The following MECOM variants were observed in gnomAD, a reference collection of about 807,000 sequenced individuals.
MECOM encodes MDS1 and EVI1 complex locus.
MECOM carries 13 observed loss-of-function variants against 116.3 expected under a neutral mutation model. That is an observed-to-expected ratio of 0.11 (90% CI 0.07 to 0.18). The LOEUF (loss-of-function observed/expected upper bound fraction) is 0.18. Ranked by LOEUF, MECOM falls within the 10% of genes least tolerant of loss-of-function variation. The pLI is 1.00. For missense variants in MECOM, 1,299 were observed against 1,509.0 expected, an observed-to-expected ratio of 0.86 and a Z score of 2.31; for synonymous variants, 528 against 535.2, an observed-to-expected ratio of 0.99 and a Z score of 0.19.
intron 2 of MECOM, among the ~76,000 whole-genome samples, chr3:169,197,217 G>A (rs1200496214): frequency 6.6e-6 from 1 of 151,808 alleles, no homozygotes; most frequent in Non-Finnish European, 1.5e-5. Context: ...TGAGTACTGT[G>A]CTCGTTACCT....
At chr3:169,117,342 C>T (rs1729498843) in intron 7 of MECOM, among the ~76,000 whole-genome samples, 1 of 152,182 alleles carries the variant, frequency 6.6e-6, no homozygotes, top group Non-Finnish European at 1.5e-5. Flanking sequence ...ATTGTGTATT[C>T]TGAGACTTTT....
Position 169,173,074 on chromosome 3 carries a change from C to G in MECOM, c.376-29242G>C, listed in dbSNP as rs1280976615. The stretch of plus-strand genomic sequence containing the variant: ...CATTTTGGCCCCATTCATGTAATAC[C>G]TATTTCTATCACCAATAAATGCAAT... On this transcript the variant is annotated intron_variant, in intron 2 of 16. Transcript: ENST00000651503. Among the ~76,000 whole-genome samples, 2 of 152,084 alleles carry G rather than the reference C, an allele frequency of 1.3e-5. 1 individual carries two copies. The highest frequency in any genetic ancestry group is 4.2e-4 in the South Asian group (2 of 4,818).
intron 2 of MECOM, among the ~76,000 whole-genome samples, chr3:169,259,981 A>G (rs1376168089): frequency 6.6e-6 from 1 of 152,256 alleles, no homozygotes; most frequent in Non-Finnish European, 1.5e-5. Flanking sequence ...GTTCTTATGA[A>G]GGATTAATGA....
chr3:169,410,070 A>C (rs1029769975), intron 1 of MECOM, among the ~76,000 whole-genome samples: 2 of 152,198 alleles, frequency 1.3e-5, no homozygotes, highest in Non-Finnish European at 2.9e-5. Context: ...CAGCAACAAT[A>C]AGTCATTTTT....
chr3:169,376,014 G>C (rs150712088), intron 2 of MECOM, among the ~76,000 whole-genome samples: 199 of 152,112 alleles, frequency 1.3e-3, no homozygotes, highest in Non-Finnish European at 2.5e-3. Context: ...GGGATGCAAG[G>C]CTGGATCAAC....
intron 2 of MECOM, among the ~76,000 whole-genome samples, chr3:169,266,915 A>C (rs1265579440): frequency 1.3e-5 from 2 of 152,152 alleles, no homozygotes; most frequent in Non-Finnish European, 2.9e-5. Context: ...GAAAGAAAAA[A>C]AGAGGGAAGA....
rs116368777 is a variant in MECOM, at chr3:169,607,010, G to C, written c.37+56326C>G. On this transcript the variant is annotated intron_variant, in intron 1 of 16. Transcript: ENST00000651503. Reference sequence around the variant, plus strand: ...ATTAAAAGGACAGAGAAGGGGAATAGATATTGGGAGAAAATTTGGAGTCTC... The same window carrying C: ...ATTAAAAGGACAGAGAAGGGGAATACATATTGGGAGAAAATTTGGAGTCTC... Among the ~76,000 whole-genome samples, 1,278 of 152,284 alleles carry C rather than the reference G, an allele frequency of 8.4e-3. 11 individuals carry two copies. The highest frequency in any genetic ancestry group is 0.034 in the Middle Eastern group (10 of 294).
chr3:169,086,829 T>C lies in MECOM; in HGVS notation c.3586-1786A>G, dbSNP rs938658718. Among the ~76,000 whole-genome samples, 3 of 152,190 alleles carry C rather than the reference T, an allele frequency of 2.0e-5. No individual in the cohort carries two copies. The East Asian group carries it at 5.8e-4, about 29-fold the overall frequency. ...GACTATAAAAATTACAGAATAAATA[T>C]ATGAATGCTTTGACTAAAGCATCTG... On this transcript the variant is annotated intron_variant, in intron 16 of 16. Coordinates refer to ENST00000651503, the MANE Select transcript of MECOM (RefSeq NM_004991.4).
intron 2 of MECOM, among the ~76,000 whole-genome samples, chr3:169,219,818 GTA>G (rs539121843): frequency 6.7e-6 from 1 of 148,580 alleles, no homozygotes. Context: ...AATAGCATGT[GTA>G]TATATATATA....
intron 2 of MECOM, among the ~76,000 whole-genome samples, chr3:169,190,590 A>G (rs1747391780): frequency 6.6e-6 from 1 of 152,074 alleles, no homozygotes; most frequent in South Asian, 2.1e-4. Flanking sequence ...TCCAGATCAT[A>G]TAGAAGAGGA....
At chr3:169,543,588 T>A (rs1318305769) in intron 1 of MECOM, among the ~76,000 whole-genome samples, 1 of 152,152 alleles carries the variant, frequency 6.6e-6, no homozygotes, top group Non-Finnish European at 1.5e-5. Flanking sequence ...GGGAAAAACA[T>A]TATTTGACGA....
chr3:169,491,798 T>C (rs918471111), intron 1 of MECOM, among the ~76,000 whole-genome samples: 2 of 152,328 alleles, frequency 1.3e-5, no homozygotes, highest in African/African-American at 4.8e-5. Flanking sequence ...AGTTTCGTGT[T>C]TCAATCAGAA....
chr3:169,356,151 T>C (rs1727242342), intron 2 of MECOM, among the ~76,000 whole-genome samples: 1 of 151,882 alleles, frequency 6.6e-6, no homozygotes, highest in Non-Finnish European at 1.5e-5. Flanking sequence ...TCTTGAAACA[T>C]TCTTTGCCAA....
chr3:169,523,937 AATAT>A (rs57430753), intron 1 of MECOM, among the ~76,000 whole-genome samples: 1 of 148,344 alleles, frequency 6.7e-6, no homozygotes, highest in Non-Finnish European at 1.5e-5. Context: ...ATATTAGTGT[AATAT>A]ATATATGTGT....
chr3:169,118,900 G>A (rs1730074280), intron 7 of MECOM, among the ~76,000 whole-genome samples: 1 of 152,150 alleles, frequency 6.6e-6, no homozygotes, highest in African/African-American at 2.4e-5. Context: ...GCCTGGCCTG[G>A]CATACCACAA....
chr3:169,512,445 T>G (rs948490909), intron 1 of MECOM, among the ~76,000 whole-genome samples: 4 of 152,228 alleles, frequency 2.6e-5, no homozygotes, highest in African/African-American at 9.6e-5. Context: ...TTAACTCAAA[T>G]GCAGTAAGCG....
At chr3:169,148,619 A>T (rs1306118705) in intron 2 of MECOM, among the ~76,000 whole-genome samples, 1 of 152,184 alleles carries the variant, frequency 6.6e-6, no homozygotes, top group Non-Finnish European at 1.5e-5. Context: ...GTCTAGGGAC[A>T]CTTGCGGGGG....
At chr3:169,481,084 C>G (rs902798511) in intron 1 of MECOM, among the ~76,000 whole-genome samples, 1 of 151,652 alleles carries the variant, frequency 6.6e-6, no homozygotes, top group Admixed American at 6.6e-5. Context: ...ACCTGCCCCC[C>G]CAAAAAAGCA....
intron 1 of MECOM, among the ~76,000 whole-genome samples, chr3:169,440,400 G>A (rs1308150916): frequency 6.6e-6 from 1 of 152,130 alleles, no homozygotes. Context: ...GCCAAGGAAG[G>A]TTTCATGGAG....
Sources: gnomAD v4.1 joint callset for allele counts (sites outside exome capture counted in the v4.1 genomes callset) on GRCh38, gnomAD v4.1.1 for gene constraint, MANE v1.5 for transcripts, NCBI Gene and HGNC (gene_info 2026-07-23, HGNC 2026-07-21) for gene names.